RELN: variants seen among roughly 807,000 people sequenced by gnomAD.
The protein encoded by RELN is reelin.
Under a neutral mutation model 427.6 loss-of-function variants are expected in RELN, and 108 were observed. The ratio of observed to expected loss-of-function variants is 0.25; its 90% CI spans 0.22 to 0.30. The LOEUF (loss-of-function observed/expected upper bound fraction) is 0.30, where lower values mean the gene tolerates loss of function less well. Ranked by LOEUF, RELN falls within the 10% of genes least tolerant of loss-of-function variation. The pLI, the probability that RELN is intolerant of heterozygous loss-of-function variation, is 1.00. For synonymous variants in RELN, 1,524 were observed against 1,513.4 expected, an observed-to-expected ratio of 1.01 and a Z score of -0.16; for missense variants, 3,715 against 4,302.8, an observed-to-expected ratio of 0.86 and a Z score of 3.82.
chr7:103,533,118 A>C (rs1829976585), intron 46 of RELN, among the ~76,000 whole-genome samples: 1 of 152,192 alleles, frequency 6.6e-6, no homozygotes, highest in Non-Finnish European at 1.5e-5. Context: ...CTCAGCTGAC[A>C]CTCACTAGTA....
chr7:103,531,470 G>A (rs546862069), intron 46 of RELN, among the ~76,000 whole-genome samples: 199 of 152,254 alleles, frequency 1.3e-3, no homozygotes, highest in Admixed American at 2.4e-3. Flanking sequence ...GATGTATCTC[G>A]TGTTTAGTTT....
intron 22 of RELN, 71 bp downstream of exon 22, chr7:103,610,624 T>C (rs374595649): frequency 3.2e-5 from 26 of 818,906 alleles, no homozygotes; most frequent in Non-Finnish European, 5.2e-5. Context: ...CTTGAATCAA[T>C]AGAGACAGAA....
At chr7:103,929,921 A>T (rs1271380775) in intron 1 of RELN, among the ~76,000 whole-genome samples, 1 of 152,228 alleles carries the variant, frequency 6.6e-6, no homozygotes, top group Non-Finnish European at 1.5e-5. Flanking sequence ...ACAAGTGTTG[A>T]TTTTGAGGTC....
At chr7:103,955,300 C>T (rs1407025093) in intron 1 of RELN, among the ~76,000 whole-genome samples, 1 of 152,138 alleles carries the variant, frequency 6.6e-6, no homozygotes, top group African/African-American at 2.4e-5. Context: ...TCTCTTATGA[C>T]CCTATGGCAT....
At chr7:103,479,639 G>A (rs1828160166) in intron 63 of RELN, among the ~76,000 whole-genome samples, 2 of 152,086 alleles carry the variant, frequency 1.3e-5, no homozygotes, top group African/African-American at 4.8e-5. Flanking sequence ...ATGGTGTGGG[G>A]CTTGTCATTC....
At chr7:103,537,925 C>G (rs1223667606) in intron 45 of RELN, among the ~76,000 whole-genome samples, 3 of 152,192 alleles carry the variant, frequency 2.0e-5, no homozygotes, top group Non-Finnish European at 2.9e-5. Flanking sequence ...ATTGGCCAAC[C>G]ATTGGTCATC....
At chr7:103,741,014 T>C (rs1185079491) in intron 6 of RELN, among the ~76,000 whole-genome samples, 1 of 152,188 alleles carries the variant, frequency 6.6e-6, no homozygotes, top group African/African-American at 2.4e-5. Flanking sequence ...GGGACCATGT[T>C]TGCCACAAGG....
intron 2 of RELN, among the ~76,000 whole-genome samples, chr7:103,888,937 C>T (rs141966952): frequency 6.8e-4 from 103 of 152,268 alleles, no homozygotes; most frequent in Admixed American, 1.8e-3. Flanking sequence ...GTTCTCAGAT[C>T]CCAGGAGGGT....
At chr7:103,904,723 A>T (rs1198447847) in intron 2 of RELN, among the ~76,000 whole-genome samples, 1 of 152,188 alleles carries the variant, frequency 6.6e-6, no homozygotes, top group African/African-American at 2.4e-5. Flanking sequence ...TTTCAATTTT[A>T]TAAGAAATTA....
chr7:103,782,764 A>G (rs2116236425), intron 3 of RELN, among the ~76,000 whole-genome samples: 1 of 152,334 alleles, frequency 6.6e-6, no homozygotes, highest in Non-Finnish European at 1.5e-5. Flanking sequence ...TCCCAAGTGT[A>G]TTACTATTTG....
At chr7:103,920,096 A>T (rs898310995) in intron 1 of RELN, among the ~76,000 whole-genome samples, 2 of 152,102 alleles carry the variant, frequency 1.3e-5, no homozygotes, top group Non-Finnish European at 2.9e-5. Context: ...TGTGAAATAC[A>T]CTAATTCCCA....
intron 20 of RELN, among the ~76,000 whole-genome samples, chr7:103,625,137 C>T (rs1832300948): frequency 6.6e-6 from 1 of 152,110 alleles, no homozygotes; most frequent in African/African-American, 2.4e-5. Context: ...GTTTAAATTA[C>T]ATTATGAGAT....
chr7:103,692,652 C>T (rs1833896021), intron 10 of RELN, among the ~76,000 whole-genome samples: 1 of 152,048 alleles, frequency 6.6e-6, no homozygotes, highest in African/African-American at 2.4e-5. Context: ...ATCTGGGAGA[C>T]TAAAGTAACT....
chr7:103,622,764 C>T (rs989303115), intron 20 of RELN, among the ~76,000 whole-genome samples: 2 of 152,174 alleles, frequency 1.3e-5, no homozygotes, highest in African/African-American at 4.8e-5. Flanking sequence ...CATAAAACCC[C>T]ATTTCTCTTA....
chr7:103,802,216 A>C (rs1160856753), intron 3 of RELN, among the ~76,000 whole-genome samples: 2 of 152,188 alleles, frequency 1.3e-5, no homozygotes, highest in African/African-American at 4.8e-5. Flanking sequence ...TAGCCCTCAA[A>C]ATTTAGTCAC....
At chr7:103,604,718 T>C (rs766449314) in intron 22 of RELN, among the ~76,000 whole-genome samples, 1 of 152,200 alleles carries the variant, frequency 6.6e-6, no homozygotes, top group Non-Finnish European at 1.5e-5. Context: ...TTTGAGATGT[T>C]TTAAAGAAAA....
chr7:103,860,676 G>A (rs1794051786), intron 2 of RELN, among the ~76,000 whole-genome samples: 1 of 152,068 alleles, frequency 6.6e-6, no homozygotes, highest in Admixed American at 6.6e-5. Flanking sequence ...CTCCCAAAGT[G>A]CTGGGATTAC....
At chr7:103,885,810 C>T (rs1794715117) in intron 2 of RELN, among the ~76,000 whole-genome samples, 1 of 152,102 alleles carries the variant, frequency 6.6e-6, no homozygotes, top group East Asian at 1.9e-4. Flanking sequence ...TTTCTAAATG[C>T]CTTACAAGTT....
chr7:103,685,297 A>G (rs1833743227), intron 10 of RELN, among the ~76,000 whole-genome samples: 2 of 152,170 alleles, frequency 1.3e-5, no homozygotes, highest in African/African-American at 4.8e-5. Context: ...TTTATATGCA[A>G]TAACAATTCA....
Sources: allele counts gnomAD v4.1 joint callset (sites outside exome capture counted in the v4.1 genomes callset), GRCh38; gene constraint gnomAD v4.1.1; transcripts MANE v1.5; gene names NCBI Gene and HGNC (gene_info 2026-07-23, HGNC 2026-07-21).